Variants in PLD1 observed in about 807,000 individuals in gnomAD.
The protein encoded by PLD1 is phospholipase D1, also known as choline phosphatase 1.
Under a neutral mutation model 137.1 loss-of-function variants are expected in PLD1, and 112 were observed. The observed-to-expected ratio is 0.82, with a 90% CI of 0.70 to 0.96. PLD1 has a LOEUF of 0.96. PLD1 is among the 40% of genes least tolerant of loss of function. The pLI is 0.00. For missense variants in PLD1, 1,321 were observed against 1,342.0 expected (o/e 0.98, Z 0.24); for synonymous variants, 431 against 454.7 (o/e 0.95, Z 0.66).
At chr3:171,724,973 A>C (rs1718397413) in intron 7 of PLD1, among the ~76,000 whole-genome samples, 185 bp from the exon 8 acceptor site, 1 of 152,232 alleles carries the variant, frequency 6.6e-6, no homozygotes. Flanking sequence ...GGCGAACCCT[A>C]AAATACACTG....
chr3:171,612,992 AC>A lies in PLD1; in HGVS notation c.2729-561del, dbSNP rs1732791248. 6.6e-6 allele frequency among the ~76,000 whole-genome samples: 1 copy of A among 152,078 alleles called. No individual in the cohort carries two copies. Among genetic ancestry groups the A allele is most frequent in the African/African-American group, 2.4e-5 (1 of 41,404 alleles). On this transcript the variant is annotated intron_variant, in intron 24 of 26. Coordinates refer to ENST00000351298, the MANE Select transcript of PLD1 (RefSeq NM_002662.5). The surrounding 1 kb of genome is among the most constrained non-coding windows in gnomAD (Gnocchi z 4.1). Reference sequence around the variant, plus strand: ...AGACCAGCCTGGACAACATAGCGAGACCTGGTCTCTACAAAAAGTTTTTAAA... The same window carrying A: ...AGACCAGCCTGGACAACATAGCGAGACTGGTCTCTACAAAAAGTTTTTAAA...
At chr3:171,764,447 A>G (rs537050182) in intron 1 of PLD1, among the ~76,000 whole-genome samples, 1 of 152,316 alleles carries the variant, frequency 6.6e-6, no homozygotes, top group Admixed American at 6.5e-5. Context: ...GTTGAGTCTT[A>G]GAGAAGTCAT....
intron 19 of PLD1, among the ~76,000 whole-genome samples, chr3:171,663,362 C>T (rs1451057299): frequency 2.0e-5 from 3 of 152,222 alleles, no homozygotes; most frequent in Non-Finnish European, 1.5e-5. Context: ...TCTGGCTCAA[C>T]TATTTACTGG....
At chr3:171,782,383 CA>C (rs1185816898) in intron 1 of PLD1, among the ~76,000 whole-genome samples, 4 of 152,090 alleles carry the variant, frequency 2.6e-5, no homozygotes, top group Non-Finnish European at 5.9e-5. Flanking sequence ...AAGATTTGAG[CA>C]TTTCAGTGTA....
Position 171,639,568 on chromosome 3 carries a change from TATATAATATATATTC to T in PLD1, c.2593+3257_2593+3271del, listed in dbSNP as rs1306824378. ...ATATATATTCATATAATATATATTA[TATATAATATATATTC>T]ATATAATATATATTCATATAATATA... On this transcript the variant is annotated intron_variant, in intron 23 of 26. Transcript: ENST00000351298. Among the ~76,000 whole-genome samples, 135 of 69,160 alleles carry T rather than the reference TATATAATATATATTC, an allele frequency of 2.0e-3. 1 individual carries two copies. The highest frequency in any genetic ancestry group is 0.016 in the East Asian group (53 of 3,332). 45.4% of individuals were successfully genotyped at this position (69,160 alleles called of 152,430 possible).
At chr3:171,789,623 A>AG (rs1214248873) in intron 1 of PLD1, 1 of 152,278 alleles carries the variant, frequency 6.6e-6, no homozygotes, top group Non-Finnish European at 1.5e-5. Context: ...TCATTTTAAA[A>AG]GCAAATTTTA....
At chr3:171,752,510 C>T (rs1720736267) in intron 1 of PLD1, among the ~76,000 whole-genome samples, 1 of 152,182 alleles carries the variant, frequency 6.6e-6, no homozygotes, top group East Asian at 1.9e-4. Context: ...AAACTTGTGG[C>T]CAGACTTCCC....
intron 11 of PLD1, among the ~76,000 whole-genome samples, chr3:171,705,853 A>G (rs1330867796): frequency 6.6e-6 from 1 of 152,208 alleles, no homozygotes; most frequent in African/African-American, 2.4e-5. Context: ...TCAACAAACT[A>G]TAGCTCACAA....
intron 1 of PLD1, among the ~76,000 whole-genome samples, chr3:171,805,767 T>C (rs1275905298): frequency 1.3e-5 from 2 of 152,238 alleles, no homozygotes; most frequent in Non-Finnish European, 2.9e-5. Flanking sequence ...GTTATGTTTT[T>C]TTCTAGACAG....
At chr3:171,685,257 G>A (rs1046429636) in intron 16 of PLD1, among the ~76,000 whole-genome samples, 3 of 152,124 alleles carry the variant, frequency 2.0e-5, no homozygotes, top group Non-Finnish European at 2.9e-5. Flanking sequence ...AAAGAATGCT[G>A]GGAATCATTA....
chr3:171,682,144 GAAAGAAAGAAAGAAAGAAAGA>G (rs1714052005), intron 16 of PLD1, among the ~76,000 whole-genome samples: 1 of 99,360 alleles, frequency 1.0e-5, no homozygotes, highest in Non-Finnish European at 2.1e-5. Flanking sequence ...AAGAAAGAAA[GAAAGAAAGAAAGAAAGAAAGA>G]AAAAGAAAGA....
intron 1 of PLD1, among the ~76,000 whole-genome samples, chr3:171,740,759 T>TATCATTTA (rs1719721429): frequency 6.6e-6 from 1 of 152,300 alleles, no homozygotes; most frequent in Admixed American, 6.5e-5. Flanking sequence ...GAAAACATCT[T>TATCATTTA]ATCATTTATC....
intron 1 of PLD1, among the ~76,000 whole-genome samples, chr3:171,750,989 C>A (rs932830238): frequency 6.6e-6 from 1 of 151,042 alleles, no homozygotes; most frequent in African/African-American, 2.4e-5. Flanking sequence ...CAAGTAGGGA[C>A]CCCCCCCAAA....
intron 1 of PLD1, chr3:171,792,772 C>A (rs1327391078): frequency 2.2e-6 from 1 of 447,624 alleles, no homozygotes; most frequent in Non-Finnish European, 4.5e-6. Context: ...CACCCTCCCC[C>A]CAGATTTGCA....
chr3:171,795,356 T>G (rs1282801051), intron 1 of PLD1, among the ~76,000 whole-genome samples: 3 of 152,250 alleles, frequency 2.0e-5, no homozygotes, highest in Non-Finnish European at 4.4e-5. Context: ...TTTTTTTCTC[T>G]ACATAAACTG....
At chr3:171,623,838 T>C (rs546668408) in intron 23 of PLD1, among the ~76,000 whole-genome samples, 14 of 152,028 alleles carry the variant, frequency 9.2e-5, no homozygotes, top group Non-Finnish European at 1.9e-4. Flanking sequence ...CATAGCCACC[T>C]GAAAAAGATA....
chr3:171,605,012 T>G (rs1560136594), intron 26 of PLD1, among the ~76,000 whole-genome samples: 1 of 152,200 alleles, frequency 6.6e-6, no homozygotes, highest in Non-Finnish European at 1.5e-5. Context: ...TCACTAGACA[T>G]GTACAAAGGC....
chr3:171,614,717 G>C (rs1732951371), intron 24 of PLD1, among the ~76,000 whole-genome samples: 1 of 152,314 alleles, frequency 6.6e-6, no homozygotes. Flanking sequence ...TGTGCCCCTG[G>C]AGCCAGCAGA....
chr3:171,684,159 C>T (rs1054674205), intron 16 of PLD1, among the ~76,000 whole-genome samples: 3 of 152,140 alleles, frequency 2.0e-5, no homozygotes, highest in Admixed American at 2.0e-4. Flanking sequence ...CTCTGTCAAC[C>T]TGGGGTAGGC....
Sources: gnomAD v4.1 joint callset for allele counts (sites outside exome capture counted in the v4.1 genomes callset) on GRCh38, gnomAD v4.1.1 for gene constraint, Gnocchi (gnomAD v3.1) non-coding constraint, MANE v1.5 for transcripts, NCBI Gene and HGNC (gene_info 2026-07-23, HGNC 2026-07-21) for gene names.